Variants in SYTL5 observed in about 807,000 individuals in gnomAD.
SYTL5 encodes the protein synaptotagmin like 5.
SYTL5 carries 34 observed loss-of-function variants against 55.9 expected under a neutral mutation model. That is an observed-to-expected ratio of 0.61 (90% CI 0.46 to 0.81). The LOEUF is 0.81. Ranked by LOEUF, SYTL5 falls within the 30% of genes least tolerant of loss-of-function variation. The probability of loss-of-function intolerance (pLI) is 0.00; values close to 1 mark genes in which losing one functional copy is unlikely to be tolerated. For missense variants in SYTL5, 637 were observed against 546.7 expected, an observed-to-expected ratio of 1.17 and a Z score of -1.65; for synonymous variants, 221 against 188.7, an observed-to-expected ratio of 1.17 and a Z score of -1.40.
chrX:38,067,617 C>A (rs908303773), intron 3 of SYTL5, among the ~76,000 whole-genome samples: 2 of 111,479 alleles, frequency 1.8e-5, no homozygotes, highest in African/African-American at 6.5e-5. Context: ...ACAAAAGCAG[C>A]CAAAGACAAC....
upstream of SYTL5, among the ~76,000 whole-genome samples, chrX:38,002,227 G>A (rs937045887): frequency 8.9e-6 from 1 of 111,984 alleles, no homozygotes; most frequent in African/African-American, 3.3e-5. Flanking sequence ...AGTATTCCAT[G>A]GTGTATATGT....
intron 3 of SYTL5, among the ~76,000 whole-genome samples, chrX:38,067,459 C>T (rs1414770692): frequency 1.8e-5 from 2 of 111,035 alleles, no homozygotes; most frequent in Non-Finnish European, 3.8e-5. Flanking sequence ...AGTATTCCCC[C>T]TTGTTCTTAT....
intron 9 of SYTL5, among the ~76,000 whole-genome samples, chrX:38,100,768 G>A (rs1018526490): frequency 9.0e-6 from 1 of 110,987 alleles, no homozygotes; most frequent in Non-Finnish European, 1.9e-5. Flanking sequence ...AGCACGTGGA[G>A]ATATGTTCAC....
chrX:38,073,534 C>T, intron 4 of SYTL5, 56 bp from the exon 5 acceptor site: 1 of 854,793 alleles, frequency 1.2e-6, no homozygotes, highest in Non-Finnish European at 1.7e-6. Flanking sequence ...TATAAATTTG[C>T]TCTCATTTCT....
the SYTL5 span, among the ~76,000 whole-genome samples, chrX:37,966,306 A>G: frequency 9.0e-6 from 1 of 111,221 alleles, no homozygotes; most frequent in Non-Finnish European, 1.9e-5. Flanking sequence ...TGTGGTTATC[A>G]TAAGACATAT....
the SYTL5 span, among the ~76,000 whole-genome samples, chrX:37,962,385 C>G: frequency 2.1e-3 from 233 of 111,367 alleles, no homozygotes; most frequent in Non-Finnish European, 3.4e-3. Flanking sequence ...TCATCCATGT[C>G]CCTACAAAGG....
At chrX:38,008,538 A>G (rs551973754) in intron 1 of SYTL5, among the ~76,000 whole-genome samples, 4 of 111,858 alleles carry the variant, frequency 3.6e-5, no homozygotes, top group African/African-American at 1.3e-4. Flanking sequence ...GTTCTGAAAG[A>G]TTATCTAAAA....
At position 38,127,429 on chromosome X, in the gene SYTL5, T is replaced by C. The variant is rs1162243648; in HGVS notation, c.*699T>C. The C allele has an allele frequency of 8.9e-6, 1 of 112,108 alleles. No individual in the cohort carries two copies. Among genetic ancestry groups the C allele is most frequent in the African/African-American group, 3.2e-5 (1 of 30,833 alleles). 9.2% of individuals were successfully genotyped at this position (112,108 alleles called of 1,213,427 possible). ...CACCCTACTGATGACCTAAGAGAGC[T>C]CTGTTTTAAACATTTATTTTATAAA... On this transcript the variant is annotated 3_prime_UTR_variant, in exon 17 of 17. Transcript: ENST00000297875.
chrX:38,082,764 G>T (rs746782131), intron 6 of SYTL5, among the ~76,000 whole-genome samples: 1 of 112,197 alleles, frequency 8.9e-6, no homozygotes, highest in South Asian at 3.7e-4. Context: ...GGTAAAGAAA[G>T]ATAGGAAGAG....
intron 3 of SYTL5, among the ~76,000 whole-genome samples, 189 bp downstream of exon 3, chrX:38,054,611 T>TGTGAGA (rs1433197008): frequency 2.1e-5 from 2 of 95,409 alleles, no homozygotes; most frequent in Non-Finnish European, 4.2e-5. Flanking sequence ...TGTGTGTATG[T>TGTGAGA]GAGAGAGAGA....
chrX:38,077,399 C>T (rs1017035043), intron 6 of SYTL5, among the ~76,000 whole-genome samples: 3 of 111,219 alleles, frequency 2.7e-5, no homozygotes, highest in African/African-American at 9.8e-5. Flanking sequence ...TTGTTAACTC[C>T]CTTTCGTTTG....
upstream of SYTL5, among the ~76,000 whole-genome samples, chrX:38,002,406 G>A: frequency 9.0e-6 from 1 of 111,614 alleles, no homozygotes; most frequent in East Asian, 2.8e-4. Flanking sequence ...GGGTCAAATG[G>A]TATTTCTACT....
In SYTL5 at chrX:38,122,171, G is replaced by A; in HGVS notation, c.1797G>A (p.Leu599=). The change falls in exon 15 of 17, where the codon TTG becomes TTA. Residue 599 remains leucine (L), a synonymous_variant. Transcript: ENST00000297875. ...LEVFIKEAKN[L]TAVKSGGTSD... ...TGTTCATCAAAGAGGCAAAGAATTT[G>A]ACAGCAGTGAAGTCAGGAGGCACTT... 1 of 1,209,073 alleles carries A rather than the reference G, an allele frequency of 8.3e-7. No homozygotes were observed. Among genetic ancestry groups the A allele is most frequent in the Non-Finnish European group, 1.1e-6 (1 of 893,652 alleles).
At chrX:38,007,588 C>T (rs957968226) in intron 1 of SYTL5, among the ~76,000 whole-genome samples, 14 of 111,128 alleles carry the variant, frequency 1.3e-4, no homozygotes, top group Non-Finnish European at 2.5e-4. Flanking sequence ...CAGTAGTAGC[C>T]TCCTTAAAAA....
At chrX:37,905,791 C>T in the SYTL5 span, among the ~76,000 whole-genome samples, 1 of 113,013 alleles carries the variant, frequency 8.8e-6, no homozygotes, top group African/African-American at 3.2e-5. Flanking sequence ...GGGAGATCCA[C>T]GAAGGAGGCT....
At chrX:38,100,458 C>T (rs1937053591) in intron 9 of SYTL5, among the ~76,000 whole-genome samples, 1 of 111,460 alleles carries the variant, frequency 9.0e-6, no homozygotes, top group South Asian at 3.7e-4. Flanking sequence ...TAAGTGACAA[C>T]TTACCATAAA....
At chrX:37,986,164 T>C in the SYTL5 span, among the ~76,000 whole-genome samples, 1 of 111,751 alleles carries the variant, frequency 8.9e-6, no homozygotes, top group East Asian at 2.8e-4. Flanking sequence ...AATCGCACTT[T>C]ATTTTTATCA....
intron 9 of SYTL5, among the ~76,000 whole-genome samples, chrX:38,101,930 G>A (rs1249579989): frequency 2.7e-5 from 3 of 109,751 alleles, no homozygotes; most frequent in African/African-American, 9.9e-5. Context: ...CATCCTAGTG[G>A]AGAGATTTTT....
chrX:37,915,135 C>T, the SYTL5 span, among the ~76,000 whole-genome samples: 1 of 111,646 alleles, frequency 9.0e-6, no homozygotes, highest in Non-Finnish European at 1.9e-5. Context: ...GGCTACGTTC[C>T]TCCTTGTTTC....
Sources: allele counts gnomAD v4.1 joint callset (sites outside exome capture counted in the v4.1 genomes callset), GRCh38; gene constraint gnomAD v4.1.1; transcripts MANE v1.5; gene names NCBI Gene and HGNC (gene_info 2026-07-23, HGNC 2026-07-21).